The following POLE variants were observed in gnomAD, a reference collection of about 807,000 sequenced individuals.
The protein encoded by POLE is DNA polymerase epsilon catalytic subunit A.
In POLE, 188 loss-of-function variants were observed where a neutral mutation model predicts 279.2. The observed-to-expected ratio is 0.67, with a 90% CI of 0.60 to 0.76. The LOEUF (loss-of-function observed/expected upper bound fraction) is 0.76, where lower values mean the gene tolerates loss of function less well. Among genes scored for constraint, POLE ranks in the 30% least tolerant of loss-of-function variants. The probability of loss-of-function intolerance (pLI) is 0.00; values close to 1 mark genes in which losing one functional copy is unlikely to be tolerated. For missense variants in POLE, 2,703 were observed against 3,016.7 expected (o/e 0.90, Z 2.44); for synonymous variants, 1,214 against 1,172.5 (o/e 1.04, Z -0.72).
chr12:132,661,125 G>A lies in POLE; in HGVS notation c.2904C>T (p.Leu968=), dbSNP rs752277161. 1 of 1,613,122 alleles carries A rather than the reference G, an allele frequency of 6.2e-7. No homozygotes were observed. The highest frequency in any genetic ancestry group is 8.5e-7 in the Non-Finnish European group (1 of 1,179,804). ...CGCGGCGTTTGACCTCAAAGCCCTT[G>A]AGCTCAGCCAGAGAACCGTCTTCAT... is the stretch of plus-strand genomic sequence containing the variant. The part of the protein sequence containing the change: ...VFNEDGSLAE[L]KGFEVKRRGE... The change falls in exon 25 of 49, where the codon CTC becomes CTT. Residue 968 remains leucine (L), a synonymous_variant. Transcript: ENST00000320574. This position sits in a 1 kb window ranked among gnomAD's most constrained non-coding sequence, Gnocchi z 4.1.
chr12:132,686,972 G>C (rs905159045), intron 1 of POLE, among the ~76,000 whole-genome samples: 1 of 151,480 alleles, frequency 6.6e-6, no homozygotes, highest in Non-Finnish European at 1.5e-5. Flanking sequence ...AAACGCAGCT[G>C]CGCGGAAGGC....
At position 132,642,222 on chromosome 12, in the gene POLE, C is replaced by A; in HGVS notation, c.5128G>T (p.Asp1710Tyr). Residue 1710 changes from aspartate (D) to tyrosine (Y), a missense_variant, in exon 38 of 49, where the codon GAC becomes TAC. Physicochemically the swap from Asp to Tyr is radical, Grantham distance 160. Coordinates refer to ENST00000320574, the MANE Select transcript of POLE (RefSeq NM_006231.4). ...CTGTTGATCTCAACAGTGGCTTGGT[C>A]ATCGAACTCCATGACAAGACAGTTG... The part of the protein sequence containing the change: ...DDNCLVMEFD[D>Y]QATVEINSSG... 1 of 1,608,214 alleles carries A rather than the reference C, an allele frequency of 6.2e-7. No individual in the cohort carries two copies. The highest frequency in any genetic ancestry group is 1.1e-5 in the South Asian group (1 of 89,908).
intron 23 of POLE, among the ~76,000 whole-genome samples, chr12:132,663,025 G>A (rs2135953790): frequency 6.6e-6 from 1 of 152,350 alleles, no homozygotes; most frequent in African/African-American, 2.4e-5. Context: ...GGAAACCTCA[G>A]GCGTAACTGC....
intron 32 of POLE, among the ~76,000 whole-genome samples, chr12:132,647,722 T>C (rs1353037795): frequency 6.6e-6 from 1 of 151,942 alleles, no homozygotes; most frequent in Non-Finnish European, 1.5e-5. Flanking sequence ...TCCCAAAAGT[T>C]AGGGCACTTC....
At chr12:132,672,354 G>A (rs2135991572) in intron 15 of POLE, 32 bp from the exon 16 acceptor site, 2 of 1,544,356 alleles carry the variant, frequency 1.3e-6, no homozygotes, top group African/African-American at 1.4e-5. Context: ...GGGGTCAGAG[G>A]GGAAACACAC....
In POLE at chr12:132,632,682, C is replaced by T; in HGVS notation, c.6118G>A (p.Ala2040Thr). The T allele has an allele frequency of 1.2e-6, 2 of 1,614,000 alleles. No homozygotes were observed. The highest frequency in any genetic ancestry group is 1.7e-6 in the Non-Finnish European group (2 of 1,179,996). ...ASQLSQEAEG[A>T]VGALPGMITF... ...TGCTCACCGGGAAGGGCTCCGACCGCCCCCTCGGCCTCCTGGGAGAGCTGG... is the reference window on the plus strand; with the variant it reads ...TGCTCACCGGGAAGGGCTCCGACCGTCCCCTCGGCCTCCTGGGAGAGCTGG... Residue 2040 changes from alanine (A) to threonine (T), a missense_variant, in exon 44 of 49, where the codon GCG becomes ACG. By Grantham distance (58) the Ala-to-Thr change is moderately conservative. Coordinates refer to ENST00000320574, the MANE Select transcript of POLE (RefSeq NM_006231.4).
At position 132,649,483 on chromosome 12, in the gene POLE, C is replaced by T. The variant is rs2138609717; in HGVS notation, c.3828G>A (p.Lys1276=). Residue 1276 remains lysine, a synonymous_variant, in exon 31 of 49, where the codon AAG becomes AAA. Coordinates refer to ENST00000320574, the MANE Select transcript of POLE (RefSeq NM_006231.4). ...EEWLVWLRFH[K]KKWQLQARQR... ...GCCGGGCCTGCAGCTGCCACTTCTT[C>T]TTGTGGAACCGGAGCCAGACAAGCC... 1 of 1,612,544 alleles carries T rather than the reference C, an allele frequency of 6.2e-7. No homozygotes were observed. The highest frequency in any genetic ancestry group is 8.5e-7 in the Non-Finnish European group (1 of 1,180,018).
chr12:132,625,036 T>C (rs2041804164), intron 47 of POLE, 42 bp from the exon 48 acceptor site: 4 of 1,452,046 alleles, frequency 2.8e-6, no homozygotes, highest in East Asian at 4.6e-5. Flanking sequence ...CCTCCCGCGC[T>C]GGCCAGACCT....
chr12:132,640,873 C>A (rs764259953), intron 39 of POLE: 19 of 412,058 alleles, frequency 4.6e-5, no homozygotes, highest in Non-Finnish European at 8.8e-5. Context: ...CGGCTCCCAA[C>A]TGCCTCCCTG....
Position 132,624,985 on chromosome 12 carries a change from TCA to T in POLE, c.6665_6666del (p.Leu2222GlnfsTer81). On this transcript the variant is annotated frameshift_variant, in exon 48 of 49. Coordinates refer to ENST00000320574, the MANE Select transcript of POLE (RefSeq NM_006231.4). LOFTEE classifies it high-confidence loss of function. ...MAFTLQDLVC[L>X]KCRGVKETSM... ...CTGGTCTCCTTCACCCCGCGGCACT[TCA>T]GGCAGACCTGAAAGGGAGCAGCCCC... 1 of 1,613,700 alleles carries T rather than the reference TCA, an allele frequency of 6.2e-7. No individual in the cohort carries two copies. Among genetic ancestry groups the T allele is most frequent in the Non-Finnish European group, 8.5e-7 (1 of 1,179,850 alleles).
intron 32 of POLE, among the ~76,000 whole-genome samples, chr12:132,647,840 G>A (rs2042322031): frequency 1.3e-5 from 2 of 152,114 alleles, no homozygotes; most frequent in Non-Finnish European, 2.9e-5. Flanking sequence ...CTTTCCTCTT[G>A]TTATCCGCCC....
Position 132,657,989 on chromosome 12 carries a change from C to T in POLE, c.3276-19G>A. ...GATGGCCCTGGGTAAGGAAGACAGGCACACAGCTCAGTAACAGTGAAAATC... is the reference window on the plus strand; with the variant it reads ...GATGGCCCTGGGTAAGGAAGACAGGTACACAGCTCAGTAACAGTGAAAATC... On this transcript the variant is annotated intron_variant, in intron 26 of 48. Transcript: ENST00000320574. The T allele has an allele frequency of 1.3e-6, 2 of 1,487,644 alleles. No individual in the cohort carries two copies. The highest frequency in any genetic ancestry group is 1.9e-6 in the Non-Finnish European group (2 of 1,064,886). The allele number at this position is 1,487,644 out of a possible 1,614,324, so 92.2% of individuals were successfully genotyped here.
Position 132,642,942 on chromosome 12 carries a change from G to A in POLE, c.4606C>T (p.Leu1536Phe), listed in dbSNP as rs1393837668. The A allele has an allele frequency of 6.2e-7, 1 of 1,611,728 alleles. No individual in the cohort carries two copies. Among genetic ancestry groups the A allele is most frequent in the African/African-American group, 1.3e-5 (1 of 74,764 alleles). The change falls in exon 36 of 49, where the codon CTC becomes TTC. Residue 1536 changes from leucine (L) to phenylalanine (F), a missense_variant. Leu to Phe is a conservative substitution (Grantham distance 22). Around this residue, in one of 5 missense-constraint regions of POLE, gnomAD observed 1,551 missense variants for 1,686.1 expected, o/e 0.92. Coordinates refer to ENST00000320574, the MANE Select transcript of POLE (RefSeq NM_006231.4). The part of the protein sequence containing the change: ...LGALYSAEHG[L>F]LLEKVGPELL... Reference sequence around the variant, plus strand: ...TCAGGGCCCACCTTCTCCAGGAGGAGGCCGTGCTCTGCTGAGTACAGGGCG... The same window carrying A: ...TCAGGGCCCACCTTCTCCAGGAGGAAGCCGTGCTCTGCTGAGTACAGGGCG...
At chr12:132,649,623 C>T (rs1436146140) in intron 30 of POLE, 54 bp downstream of exon 30, 14 of 1,607,298 alleles carry the variant, frequency 8.7e-6, no homozygotes, top group South Asian at 2.2e-5. Flanking sequence ...TCTCGGGCTC[C>T]CTGGGCTGTG....
intron 30 of POLE, 51 bp downstream of exon 30, chr12:132,649,626 G>A (rs371875066): frequency 1.9e-5 from 31 of 1,606,402 alleles, no homozygotes; most frequent in Admixed American, 6.7e-5. Flanking sequence ...CGGGCTCCCT[G>A]GGCTGTGCAG....
Position 132,672,714 on chromosome 12 carries a change from C to CT in POLE, c.1598_1599insA (p.Leu534AlafsTer4). On this transcript the variant is annotated frameshift_variant, in exon 15 of 49. Transcript: ENST00000320574. LOFTEE classifies it high-confidence loss of function. ...CCCCGACGTAGGTCTCAGAGTCCAG[C>CT]ACGTGTCCGTCGTCCGTCAGCTTAT... 2 of 1,614,166 alleles carry CT rather than the reference C, an allele frequency of 1.2e-6. No individual in the cohort carries two copies. The highest frequency in any genetic ancestry group is 8.5e-7 in the Non-Finnish European group (1 of 1,180,040).
rs923497065 is a variant in POLE at position 132,676,038 on chromosome 12, C to T, written c.1020+56G>A. The T allele has an allele frequency of 1.9e-5, 23 of 1,196,420 alleles. No individual in the cohort carries two copies. In the African/African-American group the frequency reaches 3.4e-4, roughly 17 times the overall value. 74.1% of individuals were successfully genotyped at this position (1,196,420 alleles called of 1,614,324 possible). ...GGAATGCCTGAGGCCTTGGAAAGAT[C>T]CACATGTCCGTTCTTCCCACAATAC... On this transcript the variant is annotated intron_variant, in intron 10 of 48. Coordinates refer to ENST00000320574, the MANE Select transcript of POLE (RefSeq NM_006231.4).
Position 132,680,194 on chromosome 12 carries a change from T to C in POLE, c.314A>G (p.Tyr105Cys), listed in dbSNP as rs1451750169. 20 of 1,614,030 alleles carry C rather than the reference T, an allele frequency of 1.2e-5. No individual in the cohort carries two copies. The Admixed American group carries it at 3.2e-4, about 26-fold the overall frequency. ...KVALPYKPYF[Y>C]IATRKGCERE... is the part of the protein sequence containing the mutation. ...CACACTCACCTTTCTGGTCGCAATG[T>C]AGAAATACGGTTTATAGGGCAAAGC... The change falls in exon 4 of 49, where the codon TAC becomes TGC. Residue 105 changes from tyrosine (Y) to cysteine (C), a missense_variant. This residue lies in a region of POLE where 1,011 missense variants were observed against 1,111.7 expected (regional missense o/e 0.91). Transcript: ENST00000320574.
At chr12:132,683,884 G>C (rs2043217982) in intron 1 of POLE, among the ~76,000 whole-genome samples, 1 of 152,206 alleles carries the variant, frequency 6.6e-6, no homozygotes, top group Admixed American at 6.5e-5. Context: ...ATGGGGATAA[G>C]TGTCACACAG....
Sources: allele counts gnomAD v4.1 joint callset (sites outside exome capture counted in the v4.1 genomes callset), GRCh38; gene constraint gnomAD v4.1.1; regional missense constraint gnomAD v4.1.1; non-coding constraint Gnocchi (gnomAD v3.1); transcripts MANE v1.5; gene names NCBI Gene and HGNC (gene_info 2026-07-23, HGNC 2026-07-21).